Variants in KMT2D observed in about 807,000 individuals in gnomAD.
The protein encoded by KMT2D is histone-lysine N-methyltransferase 2D.
A neutral mutation model predicts 512.7 loss-of-function variants in KMT2D; 55 were observed. That is an observed-to-expected ratio of 0.11 (90% CI 0.09 to 0.13). The LOEUF (loss-of-function observed/expected upper bound fraction) is 0.13, where lower values mean the gene tolerates loss of function less well. KMT2D is among the 10% of genes least tolerant of loss of function. The pLI is 1.00. For missense variants in KMT2D, 6,061 were observed against 7,127.9 expected, an observed-to-expected ratio of 0.85 and a Z score of 5.39; for synonymous variants, 2,995 against 2,904.0, an observed-to-expected ratio of 1.03 and a Z score of -1.01.
In KMT2D at chr12:49,041,697, G is replaced by A; in HGVS notation, c.6192C>T (p.Ala2064=). ...AADKAPYLQK[A]KDNRAAHRIN... Reference sequence around the variant, plus strand: ...TGCGGTGAGCTGCCCGGTTATCTTTGGCCTTTTGCTGAGGGATATGGGACA... The same window carrying A: ...TGCGGTGAGCTGCCCGGTTATCTTTAGCCTTTTGCTGAGGGATATGGGACA... Residue 2064 remains alanine, a synonymous_variant, in exon 31 of 55, where the codon GCC becomes GCT. Transcript: ENST00000301067. The surrounding 1 kb of genome is among the most constrained non-coding windows in gnomAD (Gnocchi z 5.4). The A allele has an allele frequency of 6.2e-7, 1 of 1,611,422 alleles. No individual in the cohort carries two copies. The highest frequency in any genetic ancestry group is 8.5e-7 in the Non-Finnish European group (1 of 1,178,676).
rs2120710000 is a variant in KMT2D, at chr12:49,054,490, G to A, written c.400+38C>T. Reference sequence around the variant, plus strand: ...AGGATTGCTGGCTCAGGACTACCCAGCCCTTATCCCATTTCCTGCCCCATT... The same window carrying A: ...AGGATTGCTGGCTCAGGACTACCCAACCCTTATCCCATTTCCTGCCCCATT... On this transcript the variant is annotated intron_variant, in intron 4 of 54. Coordinates refer to ENST00000301067, the MANE Select transcript of KMT2D (RefSeq NM_003482.4). The surrounding 1 kb of genome is among the most constrained non-coding windows in gnomAD (Gnocchi z 6.4). The A allele has an allele frequency of 6.3e-7, 1 of 1,584,250 alleles. No homozygotes were observed. The highest frequency in any genetic ancestry group is 8.6e-7 in the Non-Finnish European group (1 of 1,163,516).
At chr12:49,055,073 A>G (rs765989486) in intron 2 of KMT2D, 47 bp from the exon 3 acceptor site, 1 of 1,608,060 alleles carries the variant, frequency 6.2e-7, no homozygotes, top group South Asian at 1.1e-5. Flanking sequence ...TCCCTATTTA[A>G]CACAAAGTCC....
In KMT2D at chr12:49,039,895, G is replaced by A; in HGVS notation, c.7875C>T (p.Leu2625=). 11 of 1,614,062 alleles carry A rather than the reference G, an allele frequency of 6.8e-6. No homozygotes were observed. The highest frequency in any genetic ancestry group is 9.3e-6 in the Non-Finnish European group (11 of 1,179,896). The change falls in exon 32 of 55, where the codon CTC becomes CTT. Residue 2625 remains leucine, a synonymous_variant. Coordinates refer to ENST00000301067, the MANE Select transcript of KMT2D (RefSeq NM_003482.4). This position sits in a 1 kb window ranked among gnomAD's most constrained non-coding sequence, Gnocchi z 5.0. ...VLPPPAPDGS[L]PYLSHGASQR... The stretch of plus-strand genomic sequence containing the variant: ...GTGAGGCTCCATGGGACAGGTAGGG[G>A]AGGGATCCGTCGGGTGCAGGTGGTG...
chr12:49,046,903 T>G lies in KMT2D; in HGVS notation c.4237-113A>C. 1 of 938,408 alleles carries G rather than the reference T, an allele frequency of 1.1e-6. No individual in the cohort carries two copies. Among genetic ancestry groups the G allele is most frequent in the African/African-American group, 1.7e-5 (1 of 60,226 alleles). 58.1% of individuals were successfully genotyped at this position (938,408 alleles called of 1,614,324 possible). A position where few individuals can be genotyped will look rare whatever the true frequency, so the allele number is the denominator to read the frequency against. ...TCTTGTTCCCCAGGCTGGAGTGCAA[T>G]GGCGCGATCTCGGCTCACTGCAACC... is the stretch of plus-strand genomic sequence containing the variant. On this transcript the variant is annotated intron_variant, in intron 15 of 54. Transcript: ENST00000301067. The surrounding 1 kb of genome is among the most constrained non-coding windows in gnomAD (Gnocchi z 4.2).
rs991926378 is a variant in KMT2D, at chr12:49,021,882, G to A, written c.16522-10C>T. ...GATAGTCATAGGTTAGCTGAAAAGA[G>A]AAGAGGGCAGAATCAATGCTAGTCC... On this transcript the variant is annotated splice_polypyrimidine_tract_variant and intron_variant, in intron 54 of 54. Coordinates refer to ENST00000301067, the MANE Select transcript of KMT2D (RefSeq NM_003482.4). 1 of 1,610,906 alleles carries A rather than the reference G, an allele frequency of 6.2e-7. No individual in the cohort carries two copies. Among genetic ancestry groups the A allele is most frequent in the African/African-American group, 1.3e-5 (1 of 74,874 alleles).
Position 49,033,705 on chromosome 12 carries a change from TG to T in KMT2D, c.10999del (p.Gln3667SerfsTer82). On this transcript the variant is annotated frameshift_variant, in exon 40 of 55. Transcript: ENST00000301067. LOFTEE classifies it high-confidence loss of function. ...LTPGGMALPG[Q>X]PGGPFLNTAL... ...TGTATTAAGGAAGGGGCCACCAGGC[TG>T]TCCAGGTAGTGCCATACCCCCAGGG... 1 of 1,613,708 alleles carries T rather than the reference TG, an allele frequency of 6.2e-7. No homozygotes were observed. Among genetic ancestry groups the T allele is most frequent in the Non-Finnish European group, 8.5e-7 (1 of 1,179,864 alleles).
rs760144885 is a variant in KMT2D at position 49,049,695 on chromosome 12, G to C, written c.3893C>G (p.Ser1298Cys). 3.8e-6 allele frequency: 6 copies of C among 1,585,876 alleles called. No homozygotes were observed. The South Asian group carries it at 5.6e-5, about 15-fold the overall frequency. The change falls in exon 12 of 55, where the codon TCC (serine) becomes TGC (cysteine). Residue 1298 changes from serine to cysteine, a missense_variant. By Grantham distance (112) the Ser-to-Cys change is moderately radical. Transcript: ENST00000301067. ...ATAGCCCCTCACCTGTTTGATGCGG[G>C]AACGGGCTGGGGAGCTGCGCCGCCG... ...KGRRRSSPARSRIKQGRSSSF... is the reference protein window; with the variant it reads ...KGRRRSSPARCRIKQGRSSSF...
In KMT2D at chr12:49,038,456, G is replaced by A. The variant is rs2120497911; in HGVS notation, c.8900C>T (p.Pro2967Leu). Residue 2967 changes from proline (P) to leucine (L), a missense_variant, in exon 35 of 55, where the codon CCC (proline) becomes CTC (leucine). Physicochemically the swap from Pro to Leu is moderately conservative, Grantham distance 98 (BLOSUM62 -3). Coordinates refer to ENST00000301067, the MANE Select transcript of KMT2D (RefSeq NM_003482.4). This position sits in a 1 kb window ranked among gnomAD's most constrained non-coding sequence, Gnocchi z 5.7. Reference protein sequence around the residue: ...LPTGLELVNRPPSSTELGRPN... With the variant: ...LPTGLELVNRLPSSTELGRPN... Reference sequence around the variant, plus strand: ...GCGGCCAAGCTCAGTGCTCGACGGGGGCCGGTTGACCAGCTCCAAACCAGT... The same window carrying A: ...GCGGCCAAGCTCAGTGCTCGACGGGAGCCGGTTGACCAGCTCCAAACCAGT... 1 of 1,609,398 alleles carries A rather than the reference G, an allele frequency of 6.2e-7. No homozygotes were observed. Among genetic ancestry groups the A allele is most frequent in the Non-Finnish European group, 8.5e-7 (1 of 1,176,762 alleles).
In KMT2D at chr12:49,044,311, G is replaced by C. The variant is rs1175678091; in HGVS notation, c.5084-7C>G. 50 of 1,613,902 alleles carry C rather than the reference G, an allele frequency of 3.1e-5. No individual in the cohort carries two copies. The highest frequency in any genetic ancestry group is 4.2e-5 in the Non-Finnish European group (50 of 1,179,826). On this transcript the variant is annotated splice_region_variant and splice_polypyrimidine_tract_variant and intron_variant, in intron 21 of 54. Transcript: ENST00000301067. This position sits in a 1 kb window ranked among gnomAD's most constrained non-coding sequence, Gnocchi z 6.4. ...ACCATGAAACCACCAATGCCTATGA[G>C]GAGGCAGAGTTGTGGATGAGAAGCC...
rs1565804165 is a variant in KMT2D, at chr12:49,044,734, C to G, written c.4963+10G>C. The stretch of plus-strand genomic sequence containing the variant: ...CTACTCTGCCGCTCCCTAAGATTCC[C>G]CAAGCTAACCTTCACCCTTGAGCAG... On this transcript the variant is annotated intron_variant, in intron 20 of 54. Transcript: ENST00000301067. This position sits in a 1 kb window ranked among gnomAD's most constrained non-coding sequence, Gnocchi z 6.4. 6.2e-7 allele frequency: 1 copy of G among 1,609,018 alleles called. No homozygotes were observed. Among genetic ancestry groups the G allele is most frequent in the East Asian group, 2.2e-5 (1 of 44,704 alleles).
chr12:49,034,153 CT>C lies in KMT2D; in HGVS notation c.10653del (p.Ala3552LeufsTer106). On this transcript the variant is annotated frameshift_variant, in exon 39 of 55. Transcript: ENST00000301067. LOFTEE classifies it high-confidence loss of function. ...ALCAKQRTAKKAGREFPEADA... is the reference protein window; with the variant it reads ...ALCAKQRTAKXAGREFPEADA... ...TCAGCTTCTGGGAACTCACGGCCAGCTTTTTTGGCAGTGCGCTGCTTGGCAC... is the reference window on the plus strand; with the variant it reads ...TCAGCTTCTGGGAACTCACGGCCAGCTTTTTGGCAGTGCGCTGCTTGGCAC... 2 of 1,613,288 alleles carry C rather than the reference CT, an allele frequency of 1.2e-6. No individual in the cohort carries two copies.
At chr12:49,030,822 T>C (rs1942868128) in intron 41 of KMT2D, 54 bp from the exon 42 acceptor site, 5 of 1,612,640 alleles carry the variant, frequency 3.1e-6, no homozygotes, top group Non-Finnish European at 4.2e-6. Flanking sequence ...CATCGCTGTC[T>C]TGCACAGCTG....
At position 49,045,994 on chromosome 12, in the gene KMT2D, G is replaced by A. The variant is rs763323599; in HGVS notation, c.4694-27C>T. 4 of 1,613,840 alleles carry A rather than the reference G, an allele frequency of 2.5e-6. No individual in the cohort carries two copies. In the Admixed American group the frequency reaches 6.7e-5, roughly 27 times the overall value. ...TATGGAGAGAAGGACAAACGGAGGT[G>A]GCTGAGGTCCTGTCCCAAAGCAAGG... On this transcript the variant is annotated intron_variant, in intron 18 of 54. Coordinates refer to ENST00000301067, the MANE Select transcript of KMT2D (RefSeq NM_003482.4).
rs760611774 is a variant in KMT2D, at chr12:49,039,070, T to C, written c.8367-81A>G. ...ATGGGCTTAGGGCAGTGAGGAAGGA[T>C]AGAATTAATGCAGTGAGGGAGAAAA... is the stretch of plus-strand genomic sequence containing the variant. On this transcript the variant is annotated intron_variant, in intron 34 of 54. Transcript: ENST00000301067. This position sits in a 1 kb window ranked among gnomAD's most constrained non-coding sequence, Gnocchi z 5.0. 4.0e-6 allele frequency: 6 copies of C among 1,516,678 alleles called. No individual in the cohort carries two copies. The highest frequency in any genetic ancestry group is 2.3e-5 in the East Asian group (1 of 43,164). The allele number at this position is 1,516,678 out of a possible 1,614,324, so 94.0% of individuals were successfully genotyped here.
chr12:49,026,491 G>A lies in KMT2D; in HGVS notation c.15475C>T (p.Arg5159Trp), dbSNP rs2137716391. Residue 5159 changes from arginine (R) to tryptophan (W), a missense_variant, in exon 49 of 55, where the codon CGG becomes TGG. Physicochemically the swap from Arg to Trp is moderately radical, Grantham distance 101 (BLOSUM62 -3). Coordinates refer to ENST00000301067, the MANE Select transcript of KMT2D (RefSeq NM_003482.4). The surrounding 1 kb of genome is among the most constrained non-coding windows in gnomAD (Gnocchi z 9.6). ...CTAGCGATTTGCTTCACCTCGTCCC[G>A]CTCAATGTAGACCCGCCGGAAGACA... Reference protein sequence around the residue: ...FAVFRRVYIERDEVKQIASII... With the variant: ...FAVFRRVYIEWDEVKQIASII... 1 of 1,613,856 alleles carries A rather than the reference G, an allele frequency of 6.2e-7. No homozygotes were observed. Among genetic ancestry groups the A allele is most frequent in the Non-Finnish European group, 8.5e-7 (1 of 1,179,898 alleles).
chr12:49,049,674 C>A lies in KMT2D; in HGVS notation c.3906+8G>T, dbSNP rs2120637859. ...CTAATCACATCCCGCAGCTAGATAG[C>A]CCCTCACCTGTTTGATGCGGGAACG... On this transcript the variant is annotated splice_region_variant and intron_variant, in intron 12 of 54. Transcript: ENST00000301067. 6.4e-7 allele frequency: 1 copy of A among 1,569,912 alleles called. No homozygotes were observed. Among genetic ancestry groups the A allele is most frequent in the Non-Finnish European group, 8.7e-7 (1 of 1,152,318 alleles).
chr12:49,025,166 C>G (rs987466243), intron 49 of KMT2D, among the ~76,000 whole-genome samples: 1 of 152,178 alleles, frequency 6.6e-6, no homozygotes, highest in African/African-American at 2.4e-5. Flanking sequence ...CCTTGAGATA[C>G]AAACCCAGGG....
rs999278745 is a variant in KMT2D at position 49,028,964 on chromosome 12, T to C, written c.14252-6A>G. 6 of 1,613,272 alleles carry C rather than the reference T, an allele frequency of 3.7e-6. No individual in the cohort carries two copies. Among genetic ancestry groups the C allele is most frequent in the Non-Finnish European group, 5.1e-6 (6 of 1,179,530 alleles). ...AGGTTTGGTATCTGGGAAGACTGAA[T>C]GAGAAAGAGGAATTTGTGTAACACT... On this transcript the variant is annotated splice_polypyrimidine_tract_variant and splice_region_variant and intron_variant, in intron 45 of 54. Coordinates refer to ENST00000301067, the MANE Select transcript of KMT2D (RefSeq NM_003482.4).
At chr12:49,047,837 C>T (rs1234487117) in intron 15 of KMT2D, 128 bp downstream of exon 15, 3 of 647,580 alleles carry the variant, frequency 4.6e-6, no homozygotes, top group African/African-American at 1.8e-5. Context: ...AGTTTGATAA[C>T]CACTGGTGAC....
Sources: gnomAD v4.1 joint callset for allele counts (sites outside exome capture counted in the v4.1 genomes callset) on GRCh38, gnomAD v4.1.1 for gene constraint, Gnocchi (gnomAD v3.1) non-coding constraint, MANE v1.5 for transcripts, NCBI Gene and HGNC (gene_info 2026-07-23, HGNC 2026-07-21) for gene names.